SORCS2: variants seen among roughly 807,000 people sequenced by gnomAD.
SORCS2 encodes VPS10 domain-containing receptor SorCS2.
SORCS2 carries 100 observed loss-of-function variants against 141.6 expected under a neutral mutation model. That is an observed-to-expected ratio of 0.71 (90% CI 0.60 to 0.83). The LOEUF is 0.83. SORCS2 is among the 40% of genes least tolerant of loss of function. The pLI, the probability that SORCS2 is intolerant of heterozygous loss-of-function variation, is 0.00. For synonymous variants in SORCS2, 789 were observed against 676.9 expected, an observed-to-expected ratio of 1.17 and a Z score of -2.57; for missense variants, 1,646 against 1,560.2, an observed-to-expected ratio of 1.05 and a Z score of -0.93.
chr4:7,709,190 C>T (rs752642828), intron 14 of SORCS2, among the ~76,000 whole-genome samples: 3 of 152,208 alleles, frequency 2.0e-5, no homozygotes, highest in Non-Finnish European at 2.9e-5. Flanking sequence ...CCCGCAGAGC[C>T]GCGGGGGGCC....
intron 2 of SORCS2, chr4:7,433,407 C>T (rs750103765): frequency 1.3e-6 from 2 of 1,508,276 alleles, no homozygotes; most frequent in Non-Finnish European, 1.8e-6. Flanking sequence ...CCTCCTGGCT[C>T]CTGCACCAGA....
intron 2 of SORCS2, among the ~76,000 whole-genome samples, chr4:7,510,701 G>A (rs114995984): frequency 5.2e-5 from 7 of 135,900 alleles, no homozygotes; most frequent in African/African-American, 1.8e-4. Context: ...TTCTGGGCGC[G>A]GCATGTCCAG....
chr4:7,196,355 C>G (rs1436195497), intron 1 of SORCS2, among the ~76,000 whole-genome samples: 1 of 152,084 alleles, frequency 6.6e-6, no homozygotes, highest in African/African-American at 2.4e-5. Context: ...TGGCTCTCAG[C>G]CTCTGGGGTT....
intron 2 of SORCS2, among the ~76,000 whole-genome samples, chr4:7,409,480 G>C (rs930549850): frequency 6.6e-6 from 1 of 152,156 alleles, no homozygotes; most frequent in Non-Finnish European, 1.5e-5. Context: ...TTCACGGCTG[G>C]GCTTGGTAGT....
rs115150277 is a variant in SORCS2 at position 7,598,713 on chromosome 4, C to T, written c.649-39615C>T. On this transcript the variant is annotated intron_variant, in intron 3 of 26. Coordinates refer to ENST00000507866, the MANE Select transcript of SORCS2 (RefSeq NM_020777.3). ...CTAAGCTTTCCCCATGAAAACCTCACGCAATGGCTTCTGTCTTCCAATAGA... is the reference window on the plus strand; with the variant it reads ...CTAAGCTTTCCCCATGAAAACCTCATGCAATGGCTTCTGTCTTCCAATAGA... 8.5e-3 allele frequency among the ~76,000 whole-genome samples: 1,298 copies of T among 152,342 alleles called. 16 individuals carry two copies. Among genetic ancestry groups the T allele is most frequent in the African/African-American group, 0.025 (1,043 of 41,574 alleles).
At chr4:7,709,191 G>C (rs55874045) in intron 14 of SORCS2, among the ~76,000 whole-genome samples, 1 of 152,216 alleles carries the variant, frequency 6.6e-6, no homozygotes, top group South Asian at 2.1e-4. Context: ...CCGCAGAGCC[G>C]CGGGGGGCCA....
chr4:7,298,081 G>C (rs575646877), intron 1 of SORCS2, among the ~76,000 whole-genome samples: 1 of 152,352 alleles, frequency 6.6e-6, no homozygotes, highest in East Asian at 1.9e-4. Flanking sequence ...CACAGCCAGT[G>C]TGTGCACTTG....
chr4:7,325,389 C>T (rs1254658998), intron 1 of SORCS2, among the ~76,000 whole-genome samples: 1 of 152,016 alleles, frequency 6.6e-6, no homozygotes, highest in Non-Finnish European at 1.5e-5. Context: ...CATCACAGAC[C>T]CCTAGGAAAT....
intron 2 of SORCS2, among the ~76,000 whole-genome samples, chr4:7,467,604 C>T (rs143429050): frequency 2.2e-4 from 34 of 152,326 alleles, no homozygotes; most frequent in African/African-American, 7.5e-4. Context: ...CACAGCTCAG[C>T]GGGGCCTGCA....
At position 7,286,598 on chromosome 4, in the gene SORCS2, C is replaced by A. The variant is rs1231930681; in HGVS notation, c.480+93472C>A. Among the ~76,000 whole-genome samples, 1 of 152,172 alleles carries A rather than the reference C, an allele frequency of 6.6e-6. No individual in the cohort carries two copies. On this transcript the variant is annotated intron_variant, in intron 1 of 26. Transcript: ENST00000507866. This position sits in a 1 kb window ranked among gnomAD's most constrained non-coding sequence, Gnocchi z 4.1. ...GGTCCCATTCGGTCCCAGGCCAGCC[C>A]CCCGTATCTTACGGATGGAGGACAC...
Position 7,260,906 on chromosome 4 carries a change from C to T in SORCS2, c.480+67780C>T, listed in dbSNP as rs142415157. Among the ~76,000 whole-genome samples, 258 of 152,330 alleles carry T rather than the reference C, an allele frequency of 1.7e-3. 1 individual carries two copies. Among genetic ancestry groups the T allele is most frequent in the African/African-American group, 5.5e-3 (230 of 41,574 alleles). ...TCTGTGAGCCCTTTCACAATGGGGA[C>T]ACCGAGGCTCAGAGAGGTGGAGAGT... On this transcript the variant is annotated intron_variant, in intron 1 of 26. Transcript: ENST00000507866.
At chr4:7,262,255 C>A (rs956229528) in intron 1 of SORCS2, among the ~76,000 whole-genome samples, 11 of 145,484 alleles carry the variant, frequency 7.6e-5, no homozygotes, top group African/African-American at 2.8e-4. Flanking sequence ...TCCATCCACC[C>A]ACCTATCCAT....
At position 7,455,039 on chromosome 4, in the gene SORCS2, CTG is replaced by C. The variant is rs1461251575; in HGVS notation, c.548+58690_548+58691del. ...TCAGGCAGTGTGTTGGGGTCAGGTG[CTG>C]TGTGTTGGGGTCAGATGCTGTGTTG... On this transcript the variant is annotated intron_variant, in intron 2 of 26. Transcript: ENST00000507866. Among the ~76,000 whole-genome samples the C allele has an allele frequency of 8.6e-3, 301 of 34,908 alleles. 2 individuals carry two copies. The highest frequency in any genetic ancestry group is 0.03 in the East Asian group (5 of 164). The allele number at this position is 34,908 out of a possible 152,430, so 22.9% of individuals were successfully genotyped here. A position where few individuals can be genotyped will look rare whatever the true frequency, so the allele number is the denominator to read the frequency against.
intron 1 of SORCS2, among the ~76,000 whole-genome samples, chr4:7,278,957 C>T (rs1464546440): frequency 1.3e-5 from 2 of 152,198 alleles, no homozygotes; most frequent in Non-Finnish European, 1.5e-5. Flanking sequence ...GGGCTGGCCA[C>T]AGTCAGGAGG....
At chr4:7,383,996 C>T (rs1171880027) in intron 1 of SORCS2, among the ~76,000 whole-genome samples, 2 of 152,194 alleles carry the variant, frequency 1.3e-5, no homozygotes, top group Admixed American at 6.5e-5. Flanking sequence ...TTGCTGCTGA[C>T]TGATTTTGAT....
At chr4:7,639,469 AGTGTGAATGG>A (rs1422104353) in intron 4 of SORCS2, among the ~76,000 whole-genome samples, 1 of 143,970 alleles carries the variant, frequency 6.9e-6, no homozygotes, top group East Asian at 2.5e-4. Flanking sequence ...TGGGTGTGTC[AGTGTGAATGG>A]GTGTGAATGT....
chr4:7,737,495 A>C (rs576205877), intron 26 of SORCS2, among the ~76,000 whole-genome samples: 1 of 152,142 alleles, frequency 6.6e-6, no homozygotes, highest in East Asian at 1.9e-4. Context: ...CTTTGAAAGG[A>C]AGCCTGACTC....
At chr4:7,712,203 T>C (rs1431240160) in intron 14 of SORCS2, among the ~76,000 whole-genome samples, 1 of 152,182 alleles carries the variant, frequency 6.6e-6, no homozygotes, top group Non-Finnish European at 1.5e-5. Flanking sequence ...TTGTTATTTC[T>C]CTTTGAATCG....
chr4:7,272,595 C>G (rs1270278095), intron 1 of SORCS2, among the ~76,000 whole-genome samples: 2 of 152,224 alleles, frequency 1.3e-5, no homozygotes, highest in East Asian at 3.8e-4. Context: ...CAGGCTTCCT[C>G]AGAGGTGAGA....
Sources: allele counts gnomAD v4.1 joint callset (sites outside exome capture counted in the v4.1 genomes callset), GRCh38; gene constraint gnomAD v4.1.1; non-coding constraint Gnocchi (gnomAD v3.1); transcripts MANE v1.5; gene names NCBI Gene and HGNC (gene_info 2026-07-23, HGNC 2026-07-21).